Variants in AK9 observed in about 807,000 individuals in gnomAD.
AK9 encodes adenylate kinase 9.
A neutral mutation model predicts 239.6 loss-of-function variants in AK9; 191 were observed. The ratio of observed to expected loss-of-function variants is 0.80; its 90% CI spans 0.71 to 0.90. The LOEUF (loss-of-function observed/expected upper bound fraction) is 0.90, where lower values mean the gene tolerates loss of function less well. AK9 is among the 40% of genes least tolerant of loss of function. The pLI is 0.00. For missense variants in AK9, 1,995 were observed against 2,214.7 expected (o/e 0.90, Z 1.99); for synonymous variants, 689 against 721.0 (o/e 0.96, Z 0.71).
intron 32 of AK9, among the ~76,000 whole-genome samples, chr6:109,513,492 T>G (rs1778957745): frequency 6.6e-6 from 1 of 152,238 alleles, no homozygotes; most frequent in African/African-American, 2.4e-5. Context: ...AATTTGATTC[T>G]GGGCCATTTC....
At chr6:109,653,871 T>C (rs1457884509) in intron 8 of AK9, among the ~76,000 whole-genome samples, 1 of 152,132 alleles carries the variant, frequency 6.6e-6, no homozygotes, top group Non-Finnish European at 1.5e-5. Flanking sequence ...TATATTAATA[T>C]TCTTCTAAGT....
chr6:109,498,958 T>C (rs1777335662), intron 36 of AK9, 86 bp downstream of exon 36: 4 of 1,200,248 alleles, frequency 3.3e-6, no homozygotes, highest in Non-Finnish European at 1.1e-6. Context: ...CCCAAGTTTC[T>C]GGGTGCCTAT....
chr6:109,610,241 C>T (rs753885088), intron 17 of AK9, 124 bp downstream of exon 17: 162 of 1,190,640 alleles, frequency 1.4e-4, no homozygotes, highest in Non-Finnish European at 1.8e-4. Flanking sequence ...ACAAAATGTA[C>T]ATGAATTTGA....
chr6:109,576,668 T>C (rs1380713819), intron 20 of AK9, among the ~76,000 whole-genome samples: 1 of 151,978 alleles, frequency 6.6e-6, no homozygotes, highest in Non-Finnish European at 1.5e-5. Context: ...ATTTAAATGC[T>C]CTTTATTTCT....
chr6:109,559,207 C>T (rs1038819359), intron 24 of AK9, among the ~76,000 whole-genome samples: 3 of 146,454 alleles, frequency 2.0e-5, no homozygotes, highest in Non-Finnish European at 4.5e-5. Context: ...CTCTCTCTGT[C>T]GCCCAGGCGG....
At chr6:109,642,795 G>T (rs952221802) in intron 9 of AK9, among the ~76,000 whole-genome samples, 1 of 152,170 alleles carries the variant, frequency 6.6e-6, no homozygotes, top group Non-Finnish European at 1.5e-5. Context: ...CAGGGTGGTG[G>T]TGGTGAAGTT....
chr6:109,508,532 G>T (rs537116327), intron 33 of AK9, among the ~76,000 whole-genome samples: 1 of 152,136 alleles, frequency 6.6e-6, no homozygotes, highest in African/African-American at 2.4e-5. Context: ...CTTAATTATG[G>T]GTCACAGACA....
chr6:109,688,928 A>C (rs533139444), intron 1 of AK9, among the ~76,000 whole-genome samples: 3 of 152,288 alleles, frequency 2.0e-5, no homozygotes, highest in African/African-American at 7.2e-5. Flanking sequence ...TCTTGAACTC[A>C]GGGGATTCTC....
chr6:109,545,091 TAG>T (rs1783366970), intron 26 of AK9, among the ~76,000 whole-genome samples: 1 of 152,216 alleles, frequency 6.6e-6, no homozygotes, highest in African/African-American at 2.4e-5. Flanking sequence ...AGAAACTTTA[TAG>T]AGTTTTATAC....
At chr6:109,586,123 A>G in intron 17 of AK9, 51 bp from the exon 18 acceptor site, 1 of 1,385,256 alleles carries the variant, frequency 7.2e-7, no homozygotes, top group Middle Eastern at 1.8e-4. Context: ...CAAGTCAAGG[A>G]TGCAACCTTG....
chr6:109,510,215 T>C (rs917897941), intron 32 of AK9, among the ~76,000 whole-genome samples: 13 of 151,836 alleles, frequency 8.6e-5, no homozygotes, highest in African/African-American at 2.9e-4. Context: ...AGGCACTTCC[T>C]CCCCTCTGAG....
At chr6:109,671,463 G>C (rs1770877354) in intron 5 of AK9, among the ~76,000 whole-genome samples, 1 of 152,162 alleles carries the variant, frequency 6.6e-6, no homozygotes, top group African/African-American at 2.4e-5. Flanking sequence ...CAGAGTCAGA[G>C]GGCAGACTGG....
intron 24 of AK9, 99 bp from the exon 25 acceptor site, chr6:109,550,401 G>A: frequency 9.1e-7 from 1 of 1,101,982 alleles, no homozygotes. Flanking sequence ...TTAATCTGTA[G>A]CAACTTGAAA....
intron 10 of AK9, among the ~76,000 whole-genome samples, chr6:109,641,055 C>T (rs1797358149): frequency 2.7e-5 from 4 of 150,918 alleles, no homozygotes; most frequent in African/African-American, 9.7e-5. Context: ...GGATATTGTG[C>T]TAATATTACA....
chr6:109,593,290 T>C (rs1249386065), intron 17 of AK9, among the ~76,000 whole-genome samples: 6 of 151,896 alleles, frequency 4.0e-5, no homozygotes, highest in East Asian at 1.9e-4. Context: ...TTGGATCTCA[T>C]TGAGTTTCTC....
At chr6:109,632,472 C>T in intron 12 of AK9, 1 of 365,012 alleles carries the variant, frequency 2.7e-6, no homozygotes, top group Non-Finnish European at 3.8e-6. Flanking sequence ...ATTTCATTTA[C>T]TGAGAGTGGA....
chr6:109,661,256 C>A (rs1800376249), intron 6 of AK9, among the ~76,000 whole-genome samples: 1 of 152,174 alleles, frequency 6.6e-6, no homozygotes, highest in African/African-American at 2.4e-5. Flanking sequence ...TTATTCACTA[C>A]ATTAAGCAGT....
At chr6:109,641,652 A>T in intron 9 of AK9, 36 bp from the exon 10 acceptor site, 1 of 1,534,936 alleles carries the variant, frequency 6.5e-7, no homozygotes, top group Non-Finnish European at 9.0e-7. Flanking sequence ...CTACATTGGC[A>T]TCTGAATATC....
intron 6 of AK9, among the ~76,000 whole-genome samples, chr6:109,662,193 G>A (rs1004569945): frequency 6.6e-6 from 1 of 152,160 alleles, no homozygotes; most frequent in African/African-American, 2.4e-5. Flanking sequence ...AGAGCACCAC[G>A]AATGGTCATC....
Sources: allele counts gnomAD v4.1 joint callset (sites outside exome capture counted in the v4.1 genomes callset), GRCh38; gene constraint gnomAD v4.1.1; transcripts MANE v1.5; gene names NCBI Gene and HGNC (gene_info 2026-07-23, HGNC 2026-07-21).